Variants in CSMD1 observed in about 807,000 individuals in gnomAD.
The protein encoded by CSMD1 is CUB and sushi domain-containing protein 1.
In CSMD1, 213 loss-of-function variants were observed where a neutral mutation model predicts 417.5. The observed-to-expected ratio is 0.51, with a 90% CI of 0.46 to 0.57. CSMD1 has a LOEUF of 0.57. Ranked by LOEUF, CSMD1 falls within the 20% of genes least tolerant of loss-of-function variation. CSMD1 has a pLI of 0.00. For synonymous variants in CSMD1, 2,862 were observed against 1,736.8 expected (o/e 1.65, Z -16.11); for missense variants, 6,923 against 4,529.7 (o/e 1.53, Z -15.17).
At chr8:3,863,710 A>G (rs754962059) in intron 5 of CSMD1, among the ~76,000 whole-genome samples, 3 of 152,228 alleles carry the variant, frequency 2.0e-5, no homozygotes, top group African/African-American at 2.4e-5. Context: ...AATAACATAC[A>G]TGGTCTCTAA....
At chr8:3,694,264 T>A (rs1004484497) in intron 7 of CSMD1, among the ~76,000 whole-genome samples, 2 of 152,002 alleles carry the variant, frequency 1.3e-5, no homozygotes, top group African/African-American at 2.4e-5. Context: ...AAGAGCCTGG[T>A]CATGCTCAGG....
At chr8:4,611,062 T>G (rs2130790431) in intron 2 of CSMD1, among the ~76,000 whole-genome samples, 1 of 152,216 alleles carries the variant, frequency 6.6e-6, no homozygotes, top group Non-Finnish European at 1.5e-5. Context: ...TACAAAAACT[T>G]AAGAAAAGTG....
At chr8:3,857,000 T>G (rs912712242) in intron 5 of CSMD1, among the ~76,000 whole-genome samples, 3 of 152,124 alleles carry the variant, frequency 2.0e-5, no homozygotes, top group Admixed American at 1.3e-4. Flanking sequence ...ACAGAGAAAT[T>G]TTTGTAATGG....
chr8:3,528,255 C>A (rs1341731924), intron 10 of CSMD1, among the ~76,000 whole-genome samples: 1 of 152,244 alleles, frequency 6.6e-6, no homozygotes, highest in Non-Finnish European at 1.5e-5. Flanking sequence ...GGGATAGACA[C>A]ATCTCAAATC....
chr8:3,249,020 C>T (rs899909633), intron 26 of CSMD1, among the ~76,000 whole-genome samples: 2 of 152,062 alleles, frequency 1.3e-5, no homozygotes, highest in African/African-American at 4.8e-5. Flanking sequence ...CTGTAATTGT[C>T]CTGCTCGTTG....
intron 1 of CSMD1, among the ~76,000 whole-genome samples, chr8:4,908,454 CT>C (rs1805444955): frequency 6.6e-6 from 1 of 152,094 alleles, no homozygotes. Flanking sequence ...CTCTGCTCTC[CT>C]TTTCTTCTTT....
chr8:4,197,866 A>C (rs1344163774), intron 3 of CSMD1, among the ~76,000 whole-genome samples: 1 of 152,168 alleles, frequency 6.6e-6, no homozygotes, highest in Non-Finnish European at 1.5e-5. Context: ...GCAACAGAGT[A>C]AGACTCCATC....
At chr8:3,963,868 T>C (rs546356161) in intron 5 of CSMD1, among the ~76,000 whole-genome samples, 1 of 152,282 alleles carries the variant, frequency 6.6e-6, no homozygotes, top group South Asian at 2.1e-4. Context: ...GAAATGAAGG[T>C]ATAGATGTTA....
At chr8:3,108,176 G>A (rs1459805953) in intron 44 of CSMD1, among the ~76,000 whole-genome samples, 1 of 152,208 alleles carries the variant, frequency 6.6e-6, no homozygotes, top group African/African-American at 2.4e-5. Flanking sequence ...AGGTGGCAGT[G>A]TTCGTGAGAG....
intron 36 of CSMD1, among the ~76,000 whole-genome samples, chr8:3,181,670 C>T (rs1256921496): frequency 6.6e-6 from 1 of 152,136 alleles, no homozygotes; most frequent in African/African-American, 2.4e-5. Flanking sequence ...TATGCTCTTC[C>T]TGATCCCTAT....
intron 12 of CSMD1, among the ~76,000 whole-genome samples, chr8:3,415,648 T>C (rs1235588879): frequency 1.3e-5 from 2 of 152,194 alleles, no homozygotes; most frequent in Non-Finnish European, 2.9e-5. Flanking sequence ...GCGTGAGCCA[T>C]TGTGCCTGGC....
At position 3,138,175 on chromosome 8, in the gene CSMD1, G is replaced by A. The variant is rs939968342; in HGVS notation, c.6241+4290C>T. Reference sequence around the variant, plus strand: ...TGGGAGGCAGAGGGTGCAGTGAGCTGAGATTGTGCCACTGCACTCCAGCCT... The same window carrying A: ...TGGGAGGCAGAGGGTGCAGTGAGCTAAGATTGTGCCACTGCACTCCAGCCT... On this transcript the variant is annotated intron_variant, in intron 41 of 69. Transcript: ENST00000635120. 1.1e-4 allele frequency among the ~76,000 whole-genome samples: 17 copies of A among 152,314 alleles called. No homozygotes were observed. In the East Asian group the frequency reaches 3.1e-3, roughly 28 times the overall value.
intron 1 of CSMD1, among the ~76,000 whole-genome samples, chr8:4,912,463 A>G (rs1334235579): frequency 1.3e-5 from 2 of 151,844 alleles, no homozygotes; most frequent in Non-Finnish European, 2.9e-5. Context: ...AAACGGGAGG[A>G]GAGCATTTCT....
In CSMD1 at chr8:4,031,961, C is replaced by A; in HGVS notation, c.554G>T (p.Cys185Phe). 1.2e-6 allele frequency: 2 copies of A among 1,613,928 alleles called. No homozygotes were observed. Among genetic ancestry groups the A allele is most frequent in the Non-Finnish European group, 1.7e-6 (2 of 1,179,858 alleles). The change falls in exon 4 of 70, where the codon TGC becomes TTC. Residue 185 changes from cysteine to phenylalanine, a missense_variant. Coordinates refer to ENST00000635120, the MANE Select transcript of CSMD1 (RefSeq NM_033225.6). ...TGCACCATTTCCTGGGCTGACGATG[C>A]AGGTCAGGATGGCGTGGCCTTCCAA... ...YILEGHAILT[C>F]IVSPGNGASW...
chr8:2,939,437 T>A (rs1801711187), intron 69 of CSMD1, among the ~76,000 whole-genome samples: 2 of 152,234 alleles, frequency 1.3e-5, no homozygotes, highest in South Asian at 4.1e-4. Context: ...TGTTGTCACA[T>A]TTTCTGGTTA....
chr8:4,545,381 T>C (rs1797583097), intron 2 of CSMD1, among the ~76,000 whole-genome samples: 1 of 152,200 alleles, frequency 6.6e-6, no homozygotes, highest in South Asian at 2.1e-4. Flanking sequence ...ATATGGAGTT[T>C]TCAATCAATG....
At chr8:3,175,475 C>CCTTT (rs1554451319) in intron 37 of CSMD1, among the ~76,000 whole-genome samples, 60,338 of 132,086 alleles carry the variant, frequency 0.46, 14,352 homozygotes, top group Admixed American at 0.55. Flanking sequence ...TCCTTCTTTT[C>CCTTT]CCTTCCTTCC....
chr8:4,200,180 C>G (rs1040607797), intron 3 of CSMD1, among the ~76,000 whole-genome samples: 1 of 152,074 alleles, frequency 6.6e-6, no homozygotes, highest in Non-Finnish European at 1.5e-5. Flanking sequence ...TTTTAACTAC[C>G]TGGACAAAAT....
intron 5 of CSMD1, among the ~76,000 whole-genome samples, chr8:3,865,236 A>T (rs1021839892): frequency 6.6e-6 from 1 of 152,204 alleles, no homozygotes; most frequent in Admixed American, 6.6e-5. Context: ...CTCTGTCCTC[A>T]ACTACCAACC....
Sources: allele counts gnomAD v4.1 joint callset (sites outside exome capture counted in the v4.1 genomes callset), GRCh38; gene constraint gnomAD v4.1.1; transcripts MANE v1.5; gene names NCBI Gene and HGNC (gene_info 2026-07-23, HGNC 2026-07-21).